Variants in EDAR observed in about 807,000 individuals in gnomAD.
EDAR encodes the protein tumor necrosis factor receptor superfamily member EDAR.
In EDAR, 38 loss-of-function variants were observed where a neutral mutation model predicts 51.3. The observed-to-expected ratio is 0.74, with a 90% confidence interval of 0.57 to 0.97. The LOEUF (loss-of-function observed/expected upper bound fraction) is 0.97, where lower values mean the gene tolerates loss of function less well. Among genes scored for constraint, EDAR ranks in the 50% least tolerant of loss-of-function variants. The pLI is 0.00. For synonymous variants in EDAR, 227 were observed against 242.1 expected (o/e 0.94, Z 0.58); for missense variants, 528 against 595.0 (o/e 0.89, Z 1.17).
chr2:108,980,093 T>C (rs919126728), intron 1 of EDAR, among the ~76,000 whole-genome samples: 1 of 30,046 alleles, frequency 3.3e-5, no homozygotes, highest in Non-Finnish European at 6.1e-5. Context: ...AAATGAATGG[T>C]GTGGGGTGGG....
Position 108,957,910 on chromosome 2 carries a change from G to A in EDAR, c.-18-26878C>T, listed in dbSNP as rs2104391616. 2.0e-5 allele frequency among the ~76,000 whole-genome samples: 3 copies of A among 152,258 alleles called. No homozygotes were observed. The South Asian group carries it at 6.2e-4, about 32-fold the overall frequency. Reference sequence around the variant, plus strand: ...TTATAGCGCAGGAAAGCTGACAAAAGCAACCTGTCTCTTTAATATAAACAA... The same window carrying A: ...TTATAGCGCAGGAAAGCTGACAAAAACAACCTGTCTCTTTAATATAAACAA... On this transcript the variant is annotated intron_variant, in intron 1 of 11. Transcript: ENST00000258443.
chr2:108,923,862 C>T (rs951358409), intron 4 of EDAR, among the ~76,000 whole-genome samples: 1 of 152,256 alleles, frequency 6.6e-6, no homozygotes. Context: ...TGAGCACCCT[C>T]CCCAGAGCCT....
chr2:108,937,046 G>A (rs1415192561), intron 1 of EDAR, among the ~76,000 whole-genome samples: 2 of 152,262 alleles, frequency 1.3e-5, no homozygotes, highest in Admixed American at 1.3e-4. Flanking sequence ...GACACGCAGA[G>A]CACAGGCCAA....
intron 1 of EDAR, among the ~76,000 whole-genome samples, chr2:108,933,208 C>T (rs145886119): frequency 6.6e-6 from 1 of 152,214 alleles, no homozygotes; most frequent in Non-Finnish European, 1.5e-5. Flanking sequence ...TGGAGCGATG[C>T]CTGCTGAACT....
intron 1 of EDAR, among the ~76,000 whole-genome samples, chr2:108,967,995 C>T (rs148454673): frequency 1.6e-4 from 24 of 152,230 alleles, no homozygotes; most frequent in Middle Eastern, 3.4e-3. Flanking sequence ...GAACAGGACG[C>T]GTGGAGAGAT....
chr2:108,972,293 GC>G (rs1698248736), intron 1 of EDAR, among the ~76,000 whole-genome samples: 2 of 152,372 alleles, frequency 1.3e-5, no homozygotes, highest in Admixed American at 1.3e-4. Context: ...AACTTCAATA[GC>G]CATGCCGGCC....
At chr2:108,961,322 G>A (rs1424067652) in intron 1 of EDAR, among the ~76,000 whole-genome samples, 1 of 152,150 alleles carries the variant, frequency 6.6e-6, no homozygotes, top group Non-Finnish European at 1.5e-5. Context: ...GGAGGCCTCT[G>A]CCCCCAGGAC....
chr2:108,934,798 C>G (rs1471430947), intron 1 of EDAR, among the ~76,000 whole-genome samples: 2 of 152,344 alleles, frequency 1.3e-5, no homozygotes, highest in South Asian at 4.1e-4. Flanking sequence ...CACCTCCCCA[C>G]CTTTCAAACC....
chr2:108,983,031 T>C (rs1271460570), intron 1 of EDAR, among the ~76,000 whole-genome samples: 1 of 152,122 alleles, frequency 6.6e-6, no homozygotes, highest in Admixed American at 6.6e-5. Flanking sequence ...CATAAAGAAA[T>C]CCATCAACAG....
At chr2:108,923,784 C>T (rs1697196332) in intron 4 of EDAR, among the ~76,000 whole-genome samples, 2 of 152,228 alleles carry the variant, frequency 1.3e-5, no homozygotes, top group Non-Finnish European at 2.9e-5. Context: ...ACATGTAGGG[C>T]CTGCTTAGCC....
intron 1 of EDAR, among the ~76,000 whole-genome samples, chr2:108,976,800 TTTCTTTTTC>T (rs1210309355): frequency 6.6e-6 from 1 of 152,188 alleles, no homozygotes; most frequent in Non-Finnish European, 1.5e-5. Context: ...ACCATTTTTT[TTTCTTTTTC>T]TTCTTTTTCT....
At chr2:108,915,105 C>T (rs1436844081) in intron 5 of EDAR, among the ~76,000 whole-genome samples, 1 of 152,130 alleles carries the variant, frequency 6.6e-6, no homozygotes, top group Non-Finnish European at 1.5e-5. Context: ...GAAAAATGCA[C>T]GTTGGCCAGG....
intron 1 of EDAR, among the ~76,000 whole-genome samples, chr2:108,956,097 T>C (rs1274309521): frequency 6.6e-6 from 1 of 152,228 alleles, no homozygotes; most frequent in East Asian, 1.9e-4. Flanking sequence ...TTTGACTGTT[T>C]CATTCCCTAT....
chr2:108,953,210 C>T lies in EDAR; in HGVS notation c.-18-22178G>A, dbSNP rs142025107. 8.0e-3 allele frequency among the ~76,000 whole-genome samples: 1,219 copies of T among 152,258 alleles called. 10 individuals are homozygous for T. The highest frequency in any genetic ancestry group is 0.034 in the South Asian group (163 of 4,828). ...TGAGCTTTCTGCATTCTGGCTAAGC[C>T]GATGCTTCAGAATTGCTTATCCCTG... On this transcript the variant is annotated intron_variant, in intron 1 of 11. Coordinates refer to ENST00000258443, the MANE Select transcript of EDAR (RefSeq NM_022336.4).
At chr2:108,925,642 C>G (rs1403725918) in intron 4 of EDAR, among the ~76,000 whole-genome samples, 1 of 151,812 alleles carries the variant, frequency 6.6e-6, no homozygotes, top group Admixed American at 6.6e-5. Context: ...CCCCCTGAAA[C>G]AGTCTCCTTC....
At chr2:108,952,742 A>G (rs190302698) in intron 1 of EDAR, among the ~76,000 whole-genome samples, 44 of 152,314 alleles carry the variant, frequency 2.9e-4, no homozygotes, top group Admixed American at 7.2e-4. Context: ...ATTATGGGTC[A>G]CATTTTCCTA....
Position 108,910,850 on chromosome 2 carries a change from G to T in EDAR, c.656C>A (p.Ala219Asp), listed in dbSNP as rs1696915540. ...CTTCCCCGGGTGGCTGGTGCAACAG[G>T]CTGGGGAGAGAGGAGGGAGTGAGCA... ...YILKTKPSAP[A>D]CCTSHPGKSV... The change falls in exon 8 of 12, where the codon GCC becomes GAC. Residue 219 changes from alanine to aspartate, a missense_variant and splice_region_variant. Transcript: ENST00000258443. The T allele has an allele frequency of 1.2e-6, 2 of 1,613,992 alleles. No homozygotes were observed. The highest frequency in any genetic ancestry group is 1.7e-6 in the Non-Finnish European group (2 of 1,180,004).
At chr2:108,909,281 G>A (rs1696869380) in intron 9 of EDAR, among the ~76,000 whole-genome samples, 1 of 152,198 alleles carries the variant, frequency 6.6e-6, no homozygotes, top group Non-Finnish European at 1.5e-5. Context: ...AGATAAGGCT[G>A]GGCTGGAGGC....
chr2:108,969,135 G>C (rs1384395810), intron 1 of EDAR, among the ~76,000 whole-genome samples: 1 of 152,124 alleles, frequency 6.6e-6, no homozygotes, highest in Non-Finnish European at 1.5e-5. Context: ...ATTCAACAAG[G>C]GTGATGAAGA....
Sources: allele counts gnomAD v4.1 joint callset (sites outside exome capture counted in the v4.1 genomes callset), GRCh38; gene constraint gnomAD v4.1.1; transcripts MANE v1.5; gene names NCBI Gene and HGNC (gene_info 2026-07-23, HGNC 2026-07-21).